Variants in GPATCH2 observed in about 807,000 individuals in gnomAD.
GPATCH2 encodes G patch domain-containing protein 2.
GPATCH2 carries 51 observed loss-of-function variants against 58.0 expected under a neutral mutation model. The observed-to-expected ratio is 0.88, with a 90% CI of 0.70 to 1.11. The LOEUF is 1.11. Ranked by LOEUF, GPATCH2 falls within the 50% of genes most tolerant of loss-of-function variation. The pLI is 0.00. For synonymous variants in GPATCH2, 222 were observed against 218.5 expected, an observed-to-expected ratio of 1.02 and a Z score of -0.14; for missense variants, 625 against 652.2, an observed-to-expected ratio of 0.96 and a Z score of 0.45.
intron 8 of GPATCH2, among the ~76,000 whole-genome samples, chr1:217,484,661 TTATA>T (rs1661375460): frequency 6.7e-6 from 1 of 149,258 alleles, no homozygotes. Context: ...ACACATATAC[TTATA>T]TATACACGTG....
intron 5 of GPATCH2, among the ~76,000 whole-genome samples, chr1:217,557,267 C>T (rs1189544720): frequency 2.6e-5 from 4 of 151,894 alleles, no homozygotes; most frequent in African/African-American, 7.3e-5. Context: ...ATTGGCTGGG[C>T]GTGGTGGCGG....
At chr1:217,616,658 TAGAAACAAGCCTTTTATTTTC>T (rs1217797523) in intron 2 of GPATCH2, among the ~76,000 whole-genome samples, 1 of 152,190 alleles carries the variant, frequency 6.6e-6, no homozygotes, top group African/African-American at 2.4e-5. Context: ...AGAACTTAAA[TAGAAACAAGCCTTTTATTTTC>T]AGCAGCTGAC....
chr1:217,488,616 G>T (rs1445397995), intron 8 of GPATCH2, among the ~76,000 whole-genome samples: 3 of 151,914 alleles, frequency 2.0e-5, no homozygotes, highest in African/African-American at 7.3e-5. Context: ...GATATTTCCA[G>T]TAAGTCCAAC....
chr1:217,529,661 T>C (rs1272166157), intron 5 of GPATCH2, among the ~76,000 whole-genome samples: 1 of 152,204 alleles, frequency 6.6e-6, no homozygotes, highest in Non-Finnish European at 1.5e-5. Context: ...TATTTTGTTA[T>C]AGCAACACAA....
chr1:217,456,089 A>G (rs1558405002), intron 8 of GPATCH2, among the ~76,000 whole-genome samples: 1 of 152,086 alleles, frequency 6.6e-6, no homozygotes, highest in African/African-American at 2.4e-5. Context: ...GGCATTTACC[A>G]TCCTCAAGTC....
chr1:217,626,320 C>T (rs1389624976), intron 1 of GPATCH2, among the ~76,000 whole-genome samples: 5 of 152,168 alleles, frequency 3.3e-5, no homozygotes, highest in African/African-American at 1.2e-4. Flanking sequence ...GACTATGCTG[C>T]TGAATGTTAT....
At chr1:217,604,821 T>A (rs1478465776) in intron 5 of GPATCH2, among the ~76,000 whole-genome samples, 2 of 151,688 alleles carry the variant, frequency 1.3e-5, no homozygotes, top group Non-Finnish European at 2.9e-5. Flanking sequence ...AGGTTAGGAG[T>A]TCGAGACCAG....
At position 217,431,177 on chromosome 1, in the gene GPATCH2, T is replaced by G. The variant is rs1412870576; in HGVS notation, c.1555A>C (p.Thr519Pro). Residue 519 changes from threonine (T) to proline (P), a missense_variant, in exon 10 of 10, where the codon ACT becomes CCT. Coordinates refer to ENST00000366935, the MANE Select transcript of GPATCH2 (RefSeq NM_018040.5). ...GFPLPKSTSA[T>P]TTPNAGKSA ...GATTTTCCTGCATTGGGGGTAGTAG[T>G]TGCGGAAGTACTTTTTGGTAGAGGA... The G allele has an allele frequency of 6.3e-7, 1 of 1,588,248 alleles. No homozygotes were observed. The highest frequency in any genetic ancestry group is 1.7e-5 in the Admixed American group (1 of 59,984).
Position 217,431,144 on chromosome 1 carries a change from C to A in GPATCH2, c.*1G>T, listed in dbSNP as rs1341891130. The A allele has an allele frequency of 7.3e-7, 1 of 1,376,126 alleles. No homozygotes were observed. The allele number at this position is 1,376,126 out of a possible 1,614,324, so 85.2% of individuals were successfully genotyped here. On this transcript the variant is annotated 3_prime_UTR_variant, in exon 10 of 10. Coordinates refer to ENST00000366935, the MANE Select transcript of GPATCH2 (RefSeq NM_018040.5). Reference sequence around the variant, plus strand: ...TGTAAAACATTTCTTCTTTGCTTTTCTTAGGCGGATTTTCCTGCATTGGGG... The same window carrying A: ...TGTAAAACATTTCTTCTTTGCTTTTATTAGGCGGATTTTCCTGCATTGGGG...
intron 5 of GPATCH2, among the ~76,000 whole-genome samples, chr1:217,592,342 C>T (rs79956293): frequency 0.027 from 4,097 of 152,056 alleles, 73 homozygotes; most frequent in Middle Eastern, 0.1. Context: ...CCTCAAAACA[C>T]GTTGATTTCA....
In GPATCH2 at chr1:217,620,038, T is replaced by C; in HGVS notation, c.518A>G (p.Gln173Arg). 1.2e-6 allele frequency: 2 copies of C among 1,613,496 alleles called. No individual in the cohort carries two copies. Among genetic ancestry groups the C allele is most frequent in the Non-Finnish European group, 1.7e-6 (2 of 1,179,438 alleles). The change falls in exon 2 of 10, where the codon CAG (glutamine) becomes CGG (arginine). Residue 173 changes from glutamine (Q) to arginine (R), a missense_variant. Transcript: ENST00000366935. Reference protein sequence around the residue: ...KVKRMAVDLPQDISNKRTMTQ... With the variant: ...KVKRMAVDLPRDISNKRTMTQ... ...CATTGTCCGTTTGTTAGAGATGTCC[T>C]GTGGGAGATCTACTGCCATGCGTTT...
chr1:217,507,458 T>C (rs1396438762), intron 6 of GPATCH2, among the ~76,000 whole-genome samples: 1 of 152,210 alleles, frequency 6.6e-6, no homozygotes, highest in East Asian at 1.9e-4. Context: ...AGACCTAAGC[T>C]TGGATACAGG....
intron 5 of GPATCH2, among the ~76,000 whole-genome samples, chr1:217,563,809 C>T (rs905160210): frequency 6.6e-6 from 1 of 152,008 alleles, no homozygotes; most frequent in Non-Finnish European, 1.5e-5. Flanking sequence ...CTTTGGGTAG[C>T]CAAGGCGGGT....
rs771810707 is a variant in GPATCH2, at chr1:217,590,024, CT to C, written c.1098+20296del. Among the ~76,000 whole-genome samples the C allele has an allele frequency of 4.0e-3, 548 of 138,414 alleles. 1 individual carries two copies. Among genetic ancestry groups the C allele is most frequent in the African/African-American group, 6.0e-3 (227 of 37,950 alleles). The allele number at this position is 138,414 out of a possible 152,430, so 90.8% of individuals were successfully genotyped here. On this transcript the variant is annotated intron_variant, in intron 5 of 9. Coordinates refer to ENST00000366935, the MANE Select transcript of GPATCH2 (RefSeq NM_018040.5). ...AGAGAAACTATGGTCTGTACAACGTCTTTTTTTTTTTTTTTTGAGACAGTCT... is the reference window on the plus strand; with the variant it reads ...AGAGAAACTATGGTCTGTACAACGTCTTTTTTTTTTTTTTTGAGACAGTCT...
intron 8 of GPATCH2, among the ~76,000 whole-genome samples, chr1:217,474,763 T>A (rs1324303757): frequency 6.6e-6 from 1 of 152,170 alleles, no homozygotes; most frequent in African/African-American, 2.4e-5. Flanking sequence ...TGGGAGTAAA[T>A]GACCCTACAA....
intron 5 of GPATCH2, among the ~76,000 whole-genome samples, chr1:217,554,445 T>G (rs532754540): frequency 6.6e-6 from 1 of 152,304 alleles, no homozygotes; most frequent in East Asian, 1.9e-4. Context: ...TGGCAATTGA[T>G]TAACTTGTAT....
rs772330754 is a variant in GPATCH2 at position 217,620,332 on chromosome 1, G to A, written c.224C>T (p.Ser75Leu). 5.0e-6 allele frequency: 8 copies of A among 1,613,760 alleles called. No individual in the cohort carries two copies. The highest frequency in any genetic ancestry group is 2.2e-5 in the East Asian group (1 of 44,864). The change falls in exon 2 of 10, where the codon TCG becomes TTG. Residue 75 changes from serine (S) to leucine (L), a missense_variant. Physicochemically the swap from Ser to Leu is moderately radical, Grantham distance 145. Transcript: ENST00000366935. ...CTCCCACGGGTGATGCACATTATAC[G>A]ACCTCCGTTTTCTCCCTCTCCTTTT... ...ARKRRGRKRR[S>L]YNVHHPWETG...
intron 5 of GPATCH2, among the ~76,000 whole-genome samples, chr1:217,566,035 AG>A (rs1204310020): frequency 2.4e-4 from 32 of 134,590 alleles, no homozygotes; most frequent in African/African-American, 2.7e-5. Context: ...TGGGAGGCAG[AG>A]GTTGTGGTGA....
chr1:217,574,634 G>A (rs1445984866), intron 5 of GPATCH2, among the ~76,000 whole-genome samples: 1 of 152,150 alleles, frequency 6.6e-6, no homozygotes, highest in Non-Finnish European at 1.5e-5. Flanking sequence ...CTGTCATGTT[G>A]CTAAGTACTT....
Sources: allele counts gnomAD v4.1 joint callset (sites outside exome capture counted in the v4.1 genomes callset), GRCh38; gene constraint gnomAD v4.1.1; transcripts MANE v1.5; gene names NCBI Gene and HGNC (gene_info 2026-07-23, HGNC 2026-07-21).